Variants in KIAA0319 observed in about 807,000 individuals in gnomAD.
KIAA0319 encodes the protein dyslexia-associated protein KIAA0319.
Under a neutral mutation model 108.4 loss-of-function variants are expected in KIAA0319, and 83 were observed. The ratio of observed to expected loss-of-function variants is 0.77; its 90% CI spans 0.64 to 0.92. KIAA0319 has a LOEUF of 0.92. Among genes scored for constraint, KIAA0319 ranks in the 40% least tolerant of loss-of-function variants. The probability of loss-of-function intolerance (pLI) is 0.00; values close to 1 mark genes in which losing one functional copy is unlikely to be tolerated. For missense variants in KIAA0319, 1,195 were observed against 1,322.4 expected (o/e 0.90, Z 1.49); for synonymous variants, 484 against 510.4 (o/e 0.95, Z 0.70).
At chr6:24,570,971 C>G (rs1764642950) in intron 11 of KIAA0319, among the ~76,000 whole-genome samples, 1 of 151,924 alleles carries the variant, frequency 6.6e-6, no homozygotes, top group African/African-American at 2.4e-5. Context: ...CAGGGGATCA[C>G]TTGAGGCCAG....
intron 9 of KIAA0319, 49 bp downstream of exon 9, chr6:24,578,061 G>C (rs770089585): frequency 1.3e-6 from 2 of 1,538,520 alleles, no homozygotes; most frequent in Admixed American, 4.2e-5. Context: ...TAAAGAAACA[G>C]TCAAAATGTA....
chr6:24,558,365 C>A (rs947586204), intron 17 of KIAA0319, among the ~76,000 whole-genome samples: 7 of 150,896 alleles, frequency 4.6e-5, no homozygotes, highest in South Asian at 4.2e-4. Context: ...ATATATATAT[C>A]TAGATAGATA....
intron 15 of KIAA0319, 50 bp downstream of exon 15, chr6:24,564,152 G>A: frequency 1.2e-6 from 2 of 1,611,310 alleles, no homozygotes; most frequent in Non-Finnish European, 1.7e-6. Flanking sequence ...AGACCCCAAA[G>A]GCTGACCAGC....
intron 1 of KIAA0319, among the ~76,000 whole-genome samples, chr6:24,619,666 TGA>T (rs1180906133): frequency 3.3e-5 from 5 of 151,766 alleles, no homozygotes; most frequent in African/African-American, 1.2e-4. Context: ...TGTTCATGCT[TGA>T]GGGATGAACT....
At position 24,570,003 on chromosome 6, in the gene KIAA0319, GGC is replaced by G; in HGVS notation, c.1889_1890del (p.Gly630AlafsTer2). The part of the protein sequence containing the change: ...ENNRPPVAVA[G>X]PDKELIFPVE... ...ACTGGGAAGATCAGCTCTTTATCAG[GGC>G]CGGCCACAGCCACTGGAGGTCTATT... On this transcript the variant is annotated frameshift_variant, in exon 12 of 21. Coordinates refer to ENST00000378214, the MANE Select transcript of KIAA0319 (RefSeq NM_014809.4). LOFTEE classifies it high-confidence loss of function. The G allele has an allele frequency of 6.2e-7, 1 of 1,614,006 alleles. No individual in the cohort carries two copies. Among genetic ancestry groups the G allele is most frequent in the Non-Finnish European group, 8.5e-7 (1 of 1,179,952 alleles).
chr6:24,626,156 T>C (rs1268317201), intron 1 of KIAA0319, among the ~76,000 whole-genome samples: 3 of 152,208 alleles, frequency 2.0e-5, no homozygotes, highest in Non-Finnish European at 4.4e-5. Context: ...TCCATAGAGA[T>C]AGAATGCAAA....
intron 18 of KIAA0319, among the ~76,000 whole-genome samples, 177 bp from the exon 19 acceptor site, chr6:24,554,808 G>A (rs1266834356): frequency 1.3e-5 from 2 of 152,134 alleles, no homozygotes; most frequent in East Asian, 1.9e-4. Flanking sequence ...ATCAAGAACT[G>A]TAAAACTAAA....
intron 16 of KIAA0319, among the ~76,000 whole-genome samples, chr6:24,560,356 G>A (rs927597464): frequency 7.9e-5 from 12 of 152,146 alleles, no homozygotes; most frequent in African/African-American, 1.7e-4. Flanking sequence ...CCACAGGCTC[G>A]CCAGCACTTG....
rs145187578 is a variant in KIAA0319 at position 24,611,414 on chromosome 6, G to A, written c.-105-10206C>T. 2.9e-3 allele frequency among the ~76,000 whole-genome samples: 446 copies of A among 152,046 alleles called. 3 individuals carry two copies. Among genetic ancestry groups the A allele is most frequent in the African/African-American group, 9.8e-3 (407 of 41,486 alleles). The stretch of plus-strand genomic sequence containing the variant: ...CTCAGGAGGCTGAGGGATGAGAATC[G>A]CCTGAATCCGGGAGGTGGAGGTTGC... On this transcript the variant is annotated intron_variant, in intron 1 of 20. Coordinates refer to ENST00000378214, the MANE Select transcript of KIAA0319 (RefSeq NM_014809.4).
At position 24,586,913 on chromosome 6, in the gene KIAA0319, C is replaced by T. The variant is rs953091187; in HGVS notation, c.994+1680G>A. ...GTTTTGCAGGCTCCTTCTGCACTTC[C>T]AGCTCCTTATAGAACAATGTCCCCA... On this transcript the variant is annotated intron_variant, in intron 4 of 20. Transcript: ENST00000378214. 1.2e-4 allele frequency among the ~76,000 whole-genome samples: 19 copies of T among 152,202 alleles called. No individual in the cohort carries two copies. In the South Asian group the frequency reaches 2.3e-3, roughly 18 times the overall value.
intron 3 of KIAA0319, among the ~76,000 whole-genome samples, chr6:24,593,104 G>A (rs1211408526): frequency 6.6e-6 from 1 of 152,160 alleles, no homozygotes; most frequent in Non-Finnish European, 1.5e-5. Flanking sequence ...TCATAAAAAT[G>A]ATAAAAATGT....
chr6:24,558,368 G>C (rs2817258), intron 17 of KIAA0319, among the ~76,000 whole-genome samples: 3,687 of 31,542 alleles, frequency 0.12, 128 homozygotes, highest in African/African-American at 0.23. Flanking sequence ...TATATATCTA[G>C]ATAGATAGAT....
chr6:24,572,468 G>A, intron 11 of KIAA0319, 107 bp downstream of exon 11: 3 of 1,264,280 alleles, frequency 2.4e-6, no homozygotes, highest in Non-Finnish European at 3.3e-6. Flanking sequence ...ATGGAGCTTT[G>A]GCACCCACAG....
intron 6 of KIAA0319, among the ~76,000 whole-genome samples, chr6:24,581,480 G>A (rs971237926): frequency 3.9e-5 from 6 of 152,100 alleles, no homozygotes; most frequent in African/African-American, 1.2e-4. Flanking sequence ...ATCTCTAGTC[G>A]CTAAGTCGGT....
chr6:24,577,976 T>G, intron 9 of KIAA0319, 134 bp downstream of exon 9: 1 of 779,546 alleles, frequency 1.3e-6, no homozygotes, highest in Middle Eastern at 2.5e-4. Context: ...TCCAGCGGCA[T>G]GCAACCAAAA....
intron 3 of KIAA0319, among the ~76,000 whole-genome samples, chr6:24,590,307 A>C (rs1469061785): frequency 3.3e-5 from 5 of 152,116 alleles, no homozygotes; most frequent in Non-Finnish European, 7.4e-5. Context: ...AAAAAAAAAA[A>C]AAAACAAGAC....
In KIAA0319 at chr6:24,547,118, T is replaced by C. The variant is rs1374919213; in HGVS notation, c.*47A>G. 4 of 1,590,784 alleles carry C rather than the reference T, an allele frequency of 2.5e-6. No homozygotes were observed. Among genetic ancestry groups the C allele is most frequent in the Non-Finnish European group, 8.6e-7 (1 of 1,160,384 alleles). On this transcript the variant is annotated 3_prime_UTR_variant, in exon 21 of 21. Transcript: ENST00000378214. Reference sequence around the variant, plus strand: ...GTTTTGTGCTGTAACTCCCACTGACTGGTCTTGGATTCAAGGGGTCCTTCC... The same window carrying C: ...GTTTTGTGCTGTAACTCCCACTGACCGGTCTTGGATTCAAGGGGTCCTTCC...
chr6:24,553,443 A>G (rs933822409), intron 19 of KIAA0319, among the ~76,000 whole-genome samples: 1 of 151,542 alleles, frequency 6.6e-6, no homozygotes, highest in African/African-American at 2.4e-5. Context: ...GCCTCAGAAA[A>G]CAGAATCTCC....
intron 10 of KIAA0319, among the ~76,000 whole-genome samples, chr6:24,573,838 T>C (rs1002056272): frequency 3.9e-5 from 6 of 152,192 alleles, no homozygotes; most frequent in Non-Finnish European, 8.8e-5. Flanking sequence ...ATTTTTTGGC[T>C]GGGTGCAGTG....
Sources: gnomAD v4.1 joint callset for allele counts (sites outside exome capture counted in the v4.1 genomes callset) on GRCh38, gnomAD v4.1.1 for gene constraint, MANE v1.5 for transcripts, NCBI Gene and HGNC (gene_info 2026-07-23, HGNC 2026-07-21) for gene names.